The following THSD7A variants were observed in gnomAD, a reference collection of about 807,000 sequenced individuals.
THSD7A encodes the protein thrombospondin type-1 domain-containing protein 7A.
Under a neutral mutation model 231.3 loss-of-function variants are expected in THSD7A, and 96 were observed. The observed-to-expected ratio is 0.41, with a 90% CI of 0.35 to 0.49. THSD7A has a LOEUF of 0.49. Among genes scored for constraint, THSD7A ranks in the 20% least tolerant of loss-of-function variants. The pLI, the probability that THSD7A is intolerant of heterozygous loss-of-function variation, is 0.05. For synonymous variants in THSD7A, 940 were observed against 743.3 expected, an observed-to-expected ratio of 1.26 and a Z score of -4.30; for missense variants, 2,290 against 2,070.2, an observed-to-expected ratio of 1.11 and a Z score of -2.06.
At chr7:11,778,219 G>T (rs1204088147) in intron 1 of THSD7A, among the ~76,000 whole-genome samples, 1 of 150,550 alleles carries the variant, frequency 6.6e-6, no homozygotes, top group Non-Finnish European at 1.5e-5. Flanking sequence ...AACAGATTTG[G>T]GGTGTCAGGT....
At chr7:11,429,533 A>G (rs1006966409) in intron 13 of THSD7A, among the ~76,000 whole-genome samples, 1 of 152,244 alleles carries the variant, frequency 6.6e-6, no homozygotes, top group Non-Finnish European at 1.5e-5. Flanking sequence ...AGTCCATGCA[A>G]CGTTCTTTCT....
At chr7:11,557,074 C>G (rs148310741) in intron 4 of THSD7A, among the ~76,000 whole-genome samples, 156 of 152,014 alleles carry the variant, frequency 1.0e-3, no homozygotes, top group Non-Finnish European at 1.7e-3. Context: ...CCCTCTTTCT[C>G]CTCTTCTTCT....
intron 4 of THSD7A, among the ~76,000 whole-genome samples, chr7:11,570,941 T>A (rs1790601390): frequency 6.6e-6 from 1 of 152,200 alleles, no homozygotes; most frequent in African/African-American, 2.4e-5. Flanking sequence ...TTAATTCTTG[T>A]ATTCTTATTT....
At chr7:11,813,927 C>G (rs7798322) in intron 1 of THSD7A, among the ~76,000 whole-genome samples, 55,326 of 151,816 alleles carry the variant, frequency 0.36, 11,039 homozygotes, top group Middle Eastern at 0.51. Context: ...AGGAACAACC[C>G]AAATGTCTAT....
intron 4 of THSD7A, among the ~76,000 whole-genome samples, chr7:11,571,697 AGTC>A (rs1392986353): frequency 1.3e-5 from 2 of 152,188 alleles, no homozygotes; most frequent in African/African-American, 4.8e-5. Flanking sequence ...CACCAAATGT[AGTC>A]GTTCAGTTTT....
intron 2 of THSD7A, among the ~76,000 whole-genome samples, chr7:11,596,504 T>C (rs751300989): frequency 2.6e-5 from 4 of 152,134 alleles, no homozygotes; most frequent in Non-Finnish European, 5.9e-5. Flanking sequence ...AACCCCCACA[T>C]TGGCTCCCTG....
intron 1 of THSD7A, among the ~76,000 whole-genome samples, chr7:11,787,501 G>A (rs1783827247): frequency 6.6e-6 from 1 of 151,944 alleles, no homozygotes; most frequent in Non-Finnish European, 1.5e-5. Context: ...ATTTTCAAAA[G>A]ATACAACTGA....
intron 6 of THSD7A, among the ~76,000 whole-genome samples, chr7:11,496,957 G>A (rs1012798392): frequency 7.9e-5 from 12 of 152,222 alleles, no homozygotes; most frequent in South Asian, 4.1e-4. Flanking sequence ...GCTATCCAAC[G>A]TAAATCAATG....
chr7:11,820,945 G>GT (rs1357180125), intron 1 of THSD7A: 11 of 1,021,964 alleles, frequency 1.1e-5, no homozygotes, highest in African/African-American at 1.6e-5. Flanking sequence ...CTCTCCTTAT[G>GT]TTTTTTATGA....
At position 11,755,550 on chromosome 7, in the gene THSD7A, A is replaced by C. The variant is rs374411453; in HGVS notation, c.190+76207T>G. Among the ~76,000 whole-genome samples, 61 of 152,144 alleles carry C rather than the reference A, an allele frequency of 4.0e-4. 1 individual carries two copies. The South Asian group carries it at 0.012, about 31-fold the overall frequency. On this transcript the variant is annotated intron_variant, in intron 1 of 27. Transcript: ENST00000423059. ...GAGGCAGCTCTGTCACCTATGATAGAGATAGGGAAGGAAAGATCGGGTAGA... is the reference window on the plus strand; with the variant it reads ...GAGGCAGCTCTGTCACCTATGATAGCGATAGGGAAGGAAAGATCGGGTAGA...
chr7:11,772,953 G>C (rs1021433448), intron 1 of THSD7A, among the ~76,000 whole-genome samples: 1 of 152,074 alleles, frequency 6.6e-6, no homozygotes, highest in African/African-American at 2.4e-5. Context: ...GTGACAAAAT[G>C]TGTTTTTAAA....
rs150537314 is a variant in THSD7A at position 11,531,328 on chromosome 7, A to G, written c.1822+10091T>C. On this transcript the variant is annotated intron_variant, in intron 6 of 27. Transcript: ENST00000423059. ...AGTTCGTTCTCAACAAAGCAACATC[A>G]GTGATTCTTTAAAAACATGTCGGTT... Among the ~76,000 whole-genome samples the G allele has an allele frequency of 5.6e-3, 848 of 152,246 alleles. 5 individuals are homozygous for G. Among genetic ancestry groups the G allele is most frequent in the Admixed American group, 8.6e-3 (132 of 15,286 alleles).
At chr7:11,772,524 A>G (rs150308735) in intron 1 of THSD7A, among the ~76,000 whole-genome samples, 1,869 of 152,338 alleles carry the variant, frequency 0.012, 40 homozygotes, top group African/African-American at 0.043. Context: ...CATATACACC[A>G]TGAAATACTA....
chr7:11,600,257 T>C (rs1448674800), intron 2 of THSD7A, among the ~76,000 whole-genome samples: 1 of 152,166 alleles, frequency 6.6e-6, no homozygotes, highest in Non-Finnish European at 1.5e-5. Context: ...CAGGCAATTA[T>C]AATTATAATG....
chr7:11,379,049 A>G (rs373646634), intron 26 of THSD7A, 21 bp downstream of exon 26: 176 of 1,611,126 alleles, frequency 1.1e-4, no homozygotes, highest in Non-Finnish European at 1.4e-4. Context: ...TTCTCTTTCA[A>G]CACTAGTCTA....
intron 6 of THSD7A, among the ~76,000 whole-genome samples, chr7:11,532,251 G>C (rs757217): frequency 6.6e-6 from 1 of 152,008 alleles, no homozygotes; most frequent in Non-Finnish European, 1.5e-5. Context: ...ACCAGGCAAA[G>C]CCAACACAGA....
At chr7:11,607,030 A>T (rs915629484) in intron 2 of THSD7A, among the ~76,000 whole-genome samples, 1 of 151,744 alleles carries the variant, frequency 6.6e-6, no homozygotes, top group African/African-American at 2.4e-5. Flanking sequence ...TATATATAAA[A>T]GAAAAAGGAA....
intron 2 of THSD7A, among the ~76,000 whole-genome samples, chr7:11,613,498 C>T (rs978852446): frequency 5.3e-5 from 8 of 152,138 alleles, no homozygotes; most frequent in Admixed American, 5.2e-4. Flanking sequence ...AGAGTCATAT[C>T]TTTCCTTTAT....
At chr7:11,414,982 G>A (rs1430781798) in intron 17 of THSD7A, among the ~76,000 whole-genome samples, 3 of 152,244 alleles carry the variant, frequency 2.0e-5, no homozygotes, top group Non-Finnish European at 2.9e-5. Flanking sequence ...GTGAGTTAAA[G>A]GTAAAACATG....
Sources: allele counts gnomAD v4.1 joint callset (sites outside exome capture counted in the v4.1 genomes callset), GRCh38; gene constraint gnomAD v4.1.1; transcripts MANE v1.5; gene names NCBI Gene and HGNC (gene_info 2026-07-23, HGNC 2026-07-21).